The following CMSS1 variants were observed in gnomAD, a reference collection of about 807,000 sequenced individuals.
CMSS1 encodes protein CMSS1.
In CMSS1, 33 loss-of-function variants were observed where a neutral mutation model predicts 43.5. The observed-to-expected ratio is 0.76, with a 90% CI of 0.57 to 1.01. CMSS1 has a LOEUF of 1.01. Ranked by LOEUF, CMSS1 falls within the 50% of genes least tolerant of loss-of-function variation. CMSS1 has a pLI of 0.00. For missense variants in CMSS1, 313 were observed against 326.4 expected, an observed-to-expected ratio of 0.96 and a Z score of 0.32; for synonymous variants, 115 against 117.2, an observed-to-expected ratio of 0.98 and a Z score of 0.12.
intron 1 of CMSS1, among the ~76,000 whole-genome samples, chr3:99,941,381 T>A (rs1707846358): frequency 6.6e-6 from 1 of 152,256 alleles, no homozygotes; most frequent in Non-Finnish European, 1.5e-5. Context: ...TGAGAAAGAA[T>A]GACTAATTCT....
intron 1 of CMSS1, among the ~76,000 whole-genome samples, chr3:100,007,800 G>T (rs1405549594): frequency 6.6e-6 from 1 of 152,170 alleles, no homozygotes; most frequent in African/African-American, 2.4e-5. Context: ...GTTATCTAGT[G>T]GTAACAGGGA....
At chr3:99,934,904 G>A (rs1707611130) in intron 1 of CMSS1, among the ~76,000 whole-genome samples, 1 of 152,164 alleles carries the variant, frequency 6.6e-6, no homozygotes, top group African/African-American at 2.4e-5. Context: ...GGAGGCTGGG[G>A]ATAGTAGCAT....
At chr3:100,156,136 T>A (rs909858249) in intron 2 of CMSS1, among the ~76,000 whole-genome samples, 1 of 151,982 alleles carries the variant, frequency 6.6e-6, no homozygotes, top group Non-Finnish European at 1.5e-5. Flanking sequence ...TGATGACTCC[T>A]TTTTAGAGAC....
chr3:100,104,825 G>A (rs780646027), intron 1 of CMSS1, among the ~76,000 whole-genome samples: 1 of 152,116 alleles, frequency 6.6e-6, no homozygotes, highest in Non-Finnish European at 1.5e-5. Context: ...CCCAAAACTG[G>A]CTGAGAATCA....
chr3:100,096,723 T>G (rs1463127317), intron 1 of CMSS1, among the ~76,000 whole-genome samples: 1 of 151,696 alleles, frequency 6.6e-6, no homozygotes. Context: ...GTGACTACAG[T>G]CAAATTAATT....
intron 1 of CMSS1, among the ~76,000 whole-genome samples, chr3:100,108,019 C>T (rs974713872): frequency 3.9e-5 from 6 of 151,916 alleles, no homozygotes; most frequent in African/African-American, 1.4e-4. Context: ...TTCTTAATGC[C>T]AAAACCATGA....
At chr3:99,855,781 G>A (rs1236319664) in intron 1 of CMSS1, among the ~76,000 whole-genome samples, 4 of 152,106 alleles carry the variant, frequency 2.6e-5, no homozygotes, top group Non-Finnish European at 5.9e-5. Context: ...GAAAAACTAA[G>A]TACTCCTTTT....
At chr3:99,862,317 T>A (rs958209918) in intron 1 of CMSS1, among the ~76,000 whole-genome samples, 1 of 152,182 alleles carries the variant, frequency 6.6e-6, no homozygotes, top group Non-Finnish European at 1.5e-5. Context: ...CACAATGAGC[T>A]GACCTAAAGT....
chr3:99,960,565 A>G (rs1385041109), intron 1 of CMSS1, among the ~76,000 whole-genome samples: 4 of 152,158 alleles, frequency 2.6e-5, no homozygotes, highest in Non-Finnish European at 5.9e-5. Context: ...GTCTTGCCCA[A>G]ATCATTCTTT....
intron 1 of CMSS1, among the ~76,000 whole-genome samples, chr3:100,105,239 G>A (rs2066374666): frequency 6.6e-6 from 1 of 152,164 alleles, no homozygotes; most frequent in African/African-American, 2.4e-5. Context: ...AGAGCTTAAA[G>A]TTGAAATAAC....
chr3:100,013,096 T>G lies in CMSS1; in HGVS notation c.65-133877T>G, dbSNP rs534373098. ...TTTGTCTTGTTGTCCGGGCTGATCT[T>G]GAACTCCTGGGCTCAAGCAGTCCAC... On this transcript the variant is annotated intron_variant, in intron 1 of 9. Transcript: ENST00000421999. Among the ~76,000 whole-genome samples the G allele has an allele frequency of 4.6e-5, 7 of 152,188 alleles. No individual in the cohort carries two copies. In the South Asian group the frequency reaches 1.5e-3, roughly 32 times the overall value.
chr3:100,115,169 A>G (rs2066547683), intron 1 of CMSS1, among the ~76,000 whole-genome samples: 1 of 152,154 alleles, frequency 6.6e-6, no homozygotes, highest in South Asian at 2.1e-4. Context: ...TATTCAACAA[A>G]TATATATTTC....
intron 1 of CMSS1, among the ~76,000 whole-genome samples, chr3:99,953,774 C>G (rs1043249720): frequency 6.6e-6 from 1 of 152,176 alleles, no homozygotes; most frequent in Non-Finnish European, 1.5e-5. Flanking sequence ...TGACAGAGAA[C>G]TGCCCAAACA....
chr3:100,059,259 T>C (rs576404618), intron 1 of CMSS1, among the ~76,000 whole-genome samples: 1 of 152,332 alleles, frequency 6.6e-6, no homozygotes, highest in African/African-American at 2.4e-5. Context: ...GCCTCTTAAT[T>C]TTCTTTTTCC....
In CMSS1 at chr3:100,060,488, C is replaced by T. The variant is rs1444631786; in HGVS notation, c.65-86485C>T. On this transcript the variant is annotated intron_variant, in intron 1 of 9. Transcript: ENST00000421999. ...AAATCAGAGCACATTAGAATAGCAT[C>T]TTCACCCAAGAAAAAAAAAATACAT... 2.6e-5 allele frequency among the ~76,000 whole-genome samples: 4 copies of T among 152,068 alleles called. No individual in the cohort carries two copies. In the East Asian group the frequency reaches 7.7e-4, roughly 29 times the overall value.
chr3:100,175,724 T>G (rs750063850), intron 8 of CMSS1, among the ~76,000 whole-genome samples: 7 of 152,102 alleles, frequency 4.6e-5, no homozygotes, highest in Non-Finnish European at 8.8e-5. Flanking sequence ...CTGTGAGACA[T>G]CTGAGGACTA....
intron 1 of CMSS1, among the ~76,000 whole-genome samples, chr3:99,933,140 G>C (rs1022022237): frequency 2.6e-5 from 4 of 152,102 alleles, no homozygotes; most frequent in Non-Finnish European, 4.4e-5. Context: ...TAGGAAACCT[G>C]GCTCAGGGAC....
At chr3:100,124,189 AT>A (rs988675764) in intron 1 of CMSS1, among the ~76,000 whole-genome samples, 21 of 149,418 alleles carry the variant, frequency 1.4e-4, no homozygotes, top group East Asian at 7.8e-4. Context: ...AAACATTCCT[AT>A]TTTTTTTTTC....
chr3:99,947,716 T>C (rs186499055), intron 1 of CMSS1, among the ~76,000 whole-genome samples: 20 of 152,348 alleles, frequency 1.3e-4, no homozygotes, highest in African/African-American at 4.3e-4. Context: ...ATAAAATTGT[T>C]TTGAATACTT....
Sources: allele counts gnomAD v4.1 joint callset (sites outside exome capture counted in the v4.1 genomes callset), GRCh38; gene constraint gnomAD v4.1.1; transcripts MANE v1.5; gene names NCBI Gene and HGNC (gene_info 2026-07-23, HGNC 2026-07-21).